The following CTNNA2 variants were observed in gnomAD, a reference collection of about 807,000 sequenced individuals.
CTNNA2 encodes catenin alpha 2.
In CTNNA2, 42 loss-of-function variants were observed where a neutral mutation model predicts 101.0. The ratio of observed to expected loss-of-function variants is 0.42; its 90% CI spans 0.32 to 0.54. The LOEUF (loss-of-function observed/expected upper bound fraction) is 0.54, where lower values mean the gene tolerates loss of function less well. CTNNA2 is among the 20% of genes least tolerant of loss of function. The pLI is 0.14. For missense variants in CTNNA2, 871 were observed against 1,223.1 expected, an observed-to-expected ratio of 0.71 and a Z score of 4.29; for synonymous variants, 450 against 456.4, an observed-to-expected ratio of 0.99 and a Z score of 0.18.
chr2:80,357,267 T>C (rs969027368), intron 7 of CTNNA2, among the ~76,000 whole-genome samples: 33 of 149,910 alleles, frequency 2.2e-4, no homozygotes, highest in African/African-American at 7.9e-4. Context: ...TTGTTTTTGT[T>C]TTTTTATTTT....
chr2:80,217,598 T>C (rs1181413232), intron 7 of CTNNA2, among the ~76,000 whole-genome samples: 5 of 152,210 alleles, frequency 3.3e-5, no homozygotes, highest in Admixed American at 3.3e-4. Flanking sequence ...AAGGGAGTGA[T>C]AACTGACTCT....
intron 2 of CTNNA2, among the ~76,000 whole-genome samples, chr2:79,242,026 C>T (rs1418667865): frequency 6.6e-6 from 1 of 152,130 alleles, no homozygotes; most frequent in Admixed American, 6.5e-5. Flanking sequence ...CTGCCTCAGC[C>T]TCCCTAGTAG....
At chr2:79,737,943 C>T (rs1671015436) in intron 2 of CTNNA2, among the ~76,000 whole-genome samples, 1 of 152,182 alleles carries the variant, frequency 6.6e-6, no homozygotes, top group Admixed American at 6.5e-5. Context: ...TGAGCTTTTG[C>T]AGCCTAAAAG....
chr2:79,263,636 G>T (rs1286602493), intron 2 of CTNNA2, among the ~76,000 whole-genome samples: 1 of 152,158 alleles, frequency 6.6e-6, no homozygotes, highest in African/African-American at 2.4e-5. Flanking sequence ...CCCTAATGCA[G>T]CAGTATTGAG....
At chr2:80,240,185 G>A (rs59505383) in intron 7 of CTNNA2, among the ~76,000 whole-genome samples, 2,809 of 152,274 alleles carry the variant, frequency 0.018, 87 homozygotes, top group African/African-American at 0.063. Flanking sequence ...CCAATGGAAG[G>A]TATTAGAGAA....
chr2:80,640,292 C>T (rs1360678905), intron 18 of CTNNA2, among the ~76,000 whole-genome samples: 1 of 152,094 alleles, frequency 6.6e-6, no homozygotes, highest in African/African-American at 2.4e-5. Flanking sequence ...TTTCCTTTCC[C>T]ACACTACTTA....
intron 3 of CTNNA2, among the ~76,000 whole-genome samples, chr2:79,793,706 G>C (rs552021251): frequency 6.6e-6 from 1 of 152,274 alleles, no homozygotes; most frequent in East Asian, 1.9e-4. Flanking sequence ...TCCAGGTGAA[G>C]GGGAGGCATC....
At chr2:79,762,317 A>G (rs563322289) in intron 3 of CTNNA2, among the ~76,000 whole-genome samples, 1 of 152,276 alleles carries the variant, frequency 6.6e-6, no homozygotes, top group African/African-American at 2.4e-5. Flanking sequence ...CGGGAAAGAC[A>G]CGGAAAACAA....
At chr2:80,152,157 T>A (rs774253629) in intron 7 of CTNNA2, among the ~76,000 whole-genome samples, 1 of 152,212 alleles carries the variant, frequency 6.6e-6, no homozygotes, top group Non-Finnish European at 1.5e-5. Context: ...TAGACTGTGG[T>A]TTCATACGAT....
At chr2:80,343,721 T>C (rs933657085) in intron 7 of CTNNA2, among the ~76,000 whole-genome samples, 1 of 152,196 alleles carries the variant, frequency 6.6e-6, no homozygotes, top group African/African-American at 2.4e-5. Context: ...TAAAAGGAAT[T>C]ACTAAAAATG....
intron 2 of CTNNA2, among the ~76,000 whole-genome samples, chr2:79,209,318 T>C (rs1406417027): frequency 2.0e-5 from 3 of 152,248 alleles, no homozygotes; most frequent in Non-Finnish European, 2.9e-5. Flanking sequence ...ATTTTATGAC[T>C]GGATAGACAG....
At chr2:79,347,298 A>G (rs1677284162) in intron 3 of CTNNA2, among the ~76,000 whole-genome samples, 1 of 152,202 alleles carries the variant, frequency 6.6e-6, no homozygotes, top group African/African-American at 2.4e-5. Flanking sequence ...AGTCTCGAGC[A>G]GGAAGAACCT....
chr2:80,393,480 C>T (rs1677714850), intron 8 of CTNNA2, among the ~76,000 whole-genome samples, 189 bp downstream of exon 8: 1 of 152,152 alleles, frequency 6.6e-6, no homozygotes, highest in African/African-American at 2.4e-5. Flanking sequence ...CAGTTGCAAG[C>T]AAGGAGACAG....
chr2:79,314,523 C>A (rs1167206557), intron 3 of CTNNA2, among the ~76,000 whole-genome samples: 1 of 152,162 alleles, frequency 6.6e-6, no homozygotes, highest in African/African-American at 2.4e-5. Context: ...TATTGAGGAT[C>A]CAGTAGTAAT....
intron 9 of CTNNA2, among the ~76,000 whole-genome samples, chr2:80,500,636 A>G (rs1191291383): frequency 3.9e-5 from 6 of 152,188 alleles, no homozygotes; most frequent in African/African-American, 1.2e-4. Flanking sequence ...TTTTGAAGAC[A>G]GCTTTTTGCA....
chr2:80,092,221 C>T (rs1316880036), intron 7 of CTNNA2, among the ~76,000 whole-genome samples: 1 of 152,120 alleles, frequency 6.6e-6, no homozygotes, highest in Non-Finnish European at 1.5e-5. Context: ...CAAGGCAGTT[C>T]AGCCGTTGTA....
chr2:80,218,190 A>G (rs1156539625), intron 7 of CTNNA2, among the ~76,000 whole-genome samples: 1 of 152,234 alleles, frequency 6.6e-6, no homozygotes. Flanking sequence ...TTGACTACCC[A>G]TAAGTCTGGC....
chr2:79,550,362 T>C (rs1674019877), intron 1 of CTNNA2, among the ~76,000 whole-genome samples: 1 of 152,140 alleles, frequency 6.6e-6, no homozygotes, highest in African/African-American at 2.4e-5. Context: ...GCAAGGCACA[T>C]TTCTGCAGTC....
chr2:79,402,306 A>C (rs1678298235), intron 4 of CTNNA2, among the ~76,000 whole-genome samples: 1 of 151,734 alleles, frequency 6.6e-6, no homozygotes, highest in South Asian at 2.1e-4. Flanking sequence ...TGAACTATTA[A>C]TATAAACCTC....
Sources: allele counts gnomAD v4.1 joint callset (sites outside exome capture counted in the v4.1 genomes callset), GRCh38; gene constraint gnomAD v4.1.1; transcripts MANE v1.5; gene names NCBI Gene and HGNC (gene_info 2026-07-23, HGNC 2026-07-21).